DLC1: variants seen among roughly 807,000 people sequenced by gnomAD.
DLC1 encodes DLC1 Rho GTPase activating protein.
Under a neutral mutation model 140.3 loss-of-function variants are expected in DLC1, and 54 were observed. The observed-to-expected ratio is 0.38, with a 90% CI of 0.31 to 0.48. The LOEUF is 0.48. Among genes scored for constraint, DLC1 ranks in the 20% least tolerant of loss-of-function variants. The probability of loss-of-function intolerance (pLI) is 0.96; values close to 1 mark genes in which losing one functional copy is unlikely to be tolerated. For missense variants in DLC1, 2,536 were observed against 1,907.0 expected (o/e 1.33, Z -6.14); for synonymous variants, 986 against 728.1 (o/e 1.35, Z -5.70).
chr8:13,406,161 C>G (rs1287281676), intron 2 of DLC1, among the ~76,000 whole-genome samples: 1 of 139,086 alleles, frequency 7.2e-6, no homozygotes, highest in African/African-American at 2.8e-5. Flanking sequence ...CGCCTGCCAC[C>G]ATCCCCAGCT....
chr8:13,506,600 TATA>T (rs1463049172), intron 1 of DLC1, among the ~76,000 whole-genome samples: 1 of 138,274 alleles, frequency 7.2e-6, no homozygotes, highest in East Asian at 2.2e-4. Flanking sequence ...TATATATATA[TATA>T]TATATACACA....
At chr8:13,522,444 G>A (rs566204054) in intron 1 of DLC1, among the ~76,000 whole-genome samples, 3 of 152,074 alleles carry the variant, frequency 2.0e-5, no homozygotes, top group Admixed American at 6.5e-5. Flanking sequence ...GGCCAACATG[G>A]TGAGACCCTG....
chr8:13,440,797 C>T (rs1406601399), intron 2 of DLC1, among the ~76,000 whole-genome samples: 2 of 152,104 alleles, frequency 1.3e-5, no homozygotes, highest in African/African-American at 4.8e-5. Context: ...TCTGCATTTG[C>T]TTCTTCCTCA....
intron 1 of DLC1, among the ~76,000 whole-genome samples, chr8:13,500,466 C>G (rs751146577): frequency 1.3e-5 from 2 of 152,136 alleles, no homozygotes; most frequent in Non-Finnish European, 2.9e-5. Flanking sequence ...GATACAAATA[C>G]TGAACATTTA....
chr8:13,124,550 G>C (rs1821393310), intron 5 of DLC1, among the ~76,000 whole-genome samples: 1 of 152,206 alleles, frequency 6.6e-6, no homozygotes, highest in Non-Finnish European at 1.5e-5. Flanking sequence ...AAACAGCTTT[G>C]CACCTGGGTG....
chr8:13,405,917 T>TTTTCCTTTCTTTC (rs1837512259), intron 2 of DLC1, among the ~76,000 whole-genome samples: 1 of 84,904 alleles, frequency 1.2e-5, no homozygotes, highest in African/African-American at 4.7e-5. Context: ...CTTTCTTTTC[T>TTTTCCTTTCTTTC]TTTCTTTCTT....
chr8:13,231,752 A>G (rs557910202), intron 5 of DLC1, among the ~76,000 whole-genome samples: 1 of 152,376 alleles, frequency 6.6e-6, no homozygotes, highest in African/African-American at 2.4e-5. Context: ...ATGTGATCAG[A>G]TTAGTTTTAA....
Position 13,189,488 on chromosome 8 carries a change from T to C in DLC1, c.1349-73831A>G, listed in dbSNP as rs1323151915. ...AAGAAAAAGCCTATGGAATTCAAGG[T>C]AGTGTAGTGACAATACTCAGGCCCT... is the stretch of plus-strand genomic sequence containing the variant. On this transcript the variant is annotated intron_variant, in intron 5 of 17. Transcript: ENST00000276297. Among the ~76,000 whole-genome samples, 3 of 151,788 alleles carry C rather than the reference T, an allele frequency of 2.0e-5. No homozygotes were observed. In the East Asian group the frequency reaches 5.8e-4, roughly 30 times the overall value.
chr8:13,301,138 C>A (rs1189575272), intron 5 of DLC1, among the ~76,000 whole-genome samples: 1 of 151,530 alleles, frequency 6.6e-6, no homozygotes, highest in Non-Finnish European at 1.5e-5. Flanking sequence ...GAAAATGGGA[C>A]ACAGCATAAA....
chr8:13,514,047 TA>T (rs1382178495), intron 1 of DLC1, among the ~76,000 whole-genome samples: 5 of 152,026 alleles, frequency 3.3e-5, no homozygotes, highest in African/African-American at 4.8e-5. Context: ...TTTTTTTTTT[TA>T]AATGAACCTT....
At chr8:13,515,233 G>A (rs1312148827), upstream of DLC1, among the ~76,000 whole-genome samples, 3 of 152,330 alleles carry the variant, frequency 2.0e-5, no homozygotes, top group Non-Finnish European at 4.4e-5. Context: ...AAGAGAGCAA[G>A]ATGAATTTAG....
chr8:13,284,311 A>G (rs1200239947), intron 5 of DLC1, among the ~76,000 whole-genome samples: 1 of 152,142 alleles, frequency 6.6e-6, no homozygotes, highest in Non-Finnish European at 1.5e-5. Context: ...TGGATCACCT[A>G]ACGTCAGGAG....
intron 5 of DLC1, among the ~76,000 whole-genome samples, chr8:13,175,597 C>A (rs1410143186): frequency 6.6e-6 from 1 of 152,080 alleles, no homozygotes; most frequent in African/African-American, 2.4e-5. Flanking sequence ...CAAAAAGTTG[C>A]AAAAGTAGTA....
intron 4 of DLC1, among the ~76,000 whole-genome samples, chr8:13,379,790 A>G (rs1836169964): frequency 6.6e-6 from 1 of 152,180 alleles, no homozygotes; most frequent in Non-Finnish European, 1.5e-5. Context: ...TTGTCCTAAC[A>G]CTTACCATAG....
intron 4 of DLC1, among the ~76,000 whole-genome samples, chr8:13,356,076 C>T (rs1263007222): frequency 1.1e-5 from 1 of 92,990 alleles, no homozygotes; most frequent in African/African-American, 4.5e-5. Flanking sequence ...AGTGACAGAG[C>T]AAGACTCCAT....
At chr8:13,230,757 C>T (rs745608660) in intron 5 of DLC1, among the ~76,000 whole-genome samples, 5 of 151,742 alleles carry the variant, frequency 3.3e-5, no homozygotes, top group East Asian at 1.9e-4. Flanking sequence ...CCACCATGCC[C>T]GCCTAATTTT....
intron 10 of DLC1, 153 bp from the exon 11 acceptor site, chr8:13,095,398 T>A (rs910832457): frequency 3.2e-6 from 3 of 932,856 alleles, no homozygotes; most frequent in Non-Finnish European, 4.8e-6. Context: ...ACAAATTCAG[T>A]TCCCCAGTGG....
chr8:13,364,679 T>C (rs1367627546), intron 4 of DLC1, among the ~76,000 whole-genome samples: 1 of 152,200 alleles, frequency 6.6e-6, no homozygotes, highest in Admixed American at 6.5e-5. Context: ...TAAGCTTACA[T>C]GGATTCCCTT....
At chr8:13,240,415 T>A (rs974690789) in intron 5 of DLC1, among the ~76,000 whole-genome samples, 3 of 152,178 alleles carry the variant, frequency 2.0e-5, no homozygotes, top group African/African-American at 7.2e-5. Flanking sequence ...TCGACTAATA[T>A]ACACATATAT....
Sources: gnomAD v4.1 joint callset for allele counts (sites outside exome capture counted in the v4.1 genomes callset) on GRCh38, gnomAD v4.1.1 for gene constraint, MANE v1.5 for transcripts, NCBI Gene and HGNC (gene_info 2026-07-23, HGNC 2026-07-21) for gene names.